Variants in SSBP3 observed in about 807,000 individuals in gnomAD.
SSBP3 encodes single stranded DNA binding protein 3.
Under a neutral mutation model 69.6 loss-of-function variants are expected in SSBP3, and 5 were observed. That is an observed-to-expected ratio of 0.07 (90% CI 0.04 to 0.15). The LOEUF (loss-of-function observed/expected upper bound fraction) is 0.15. SSBP3 is among the 10% of genes least tolerant of loss of function. The pLI, the probability that SSBP3 is intolerant of heterozygous loss-of-function variation, is 1.00. For missense variants in SSBP3, 312 were observed against 534.0 expected, an observed-to-expected ratio of 0.58 and a Z score of 4.10; for synonymous variants, 196 against 193.4, an observed-to-expected ratio of 1.01 and a Z score of -0.11.
At chr1:54,402,029 C>A (rs369621847) in intron 3 of SSBP3, 84 bp from the exon 4 acceptor site, 23 of 1,213,728 alleles carry the variant, frequency 1.9e-5, no homozygotes, top group East Asian at 1.9e-4. Context: ...ATGGCGCTAA[C>A]AGTACTAGGT....
chr1:54,392,670 G>A (rs187106940), intron 4 of SSBP3, among the ~76,000 whole-genome samples: 34 of 152,310 alleles, frequency 2.2e-4, no homozygotes, highest in Non-Finnish European at 4.0e-4. Context: ...TGCCTGGGCA[G>A]GAATCAAATC....
intron 7 of SSBP3, among the ~76,000 whole-genome samples, chr1:54,254,821 CTTTTT>C (rs925861679): frequency 1.1e-4 from 16 of 152,094 alleles, no homozygotes; most frequent in African/African-American, 3.4e-4. Context: ...GTGTGGATTT[CTTTTT>C]TTATCTTTTT....
chr1:54,286,969 C>A (rs1213799740), intron 4 of SSBP3: 1 of 152,246 alleles, frequency 6.6e-6, no homozygotes, highest in African/African-American at 2.4e-5. Context: ...GGCCTCTCAT[C>A]CCACCCTGAG....
intron 5 of SSBP3, among the ~76,000 whole-genome samples, chr1:54,260,648 T>A (rs1314195766): frequency 6.6e-6 from 1 of 152,186 alleles, no homozygotes; most frequent in Non-Finnish European, 1.5e-5. Context: ...GGCACAAGCT[T>A]GCTCTTGGCG....
intron 1 of SSBP3, among the ~76,000 whole-genome samples, chr1:54,412,197 C>T (rs866400803): frequency 6.6e-6 from 1 of 151,928 alleles, no homozygotes; most frequent in Non-Finnish European, 1.5e-5. Flanking sequence ...GGCGTGGTGG[C>T]CTGTGCCTGT....
intron 4 of SSBP3, among the ~76,000 whole-genome samples, chr1:54,294,164 AAAGAAAGAAAG>A (rs1557504872): frequency 0.02 from 1,337 of 67,656 alleles, 70 homozygotes; most frequent in African/African-American, 0.067. Context: ...AAAAAAAAAG[AAAGAAAGAAAG>A]AAAGAAAGAA....
intron 14 of SSBP3, among the ~76,000 whole-genome samples, chr1:54,233,668 T>A (rs1479586497): frequency 9.5e-6 from 1 of 105,164 alleles, no homozygotes; most frequent in Non-Finnish European, 1.9e-5. Flanking sequence ...TACTGGGAAG[T>A]GAGGAGCCCC....
intron 4 of SSBP3, among the ~76,000 whole-genome samples, chr1:54,358,293 T>C (rs1357857312): frequency 1.3e-5 from 2 of 152,184 alleles, no homozygotes; most frequent in Non-Finnish European, 2.9e-5. Context: ...CTACCTTGTG[T>C]GCAACAGACC....
At chr1:54,249,334 A>G (rs1353464989) in intron 9 of SSBP3, among the ~76,000 whole-genome samples, 1 of 152,256 alleles carries the variant, frequency 6.6e-6, no homozygotes, top group Non-Finnish European at 1.5e-5. Context: ...ATTGGTTTTC[A>G]GTCCCTAAAG....
chr1:54,235,838 C>G (rs964370501), intron 14 of SSBP3, among the ~76,000 whole-genome samples: 7 of 152,182 alleles, frequency 4.6e-5, no homozygotes, highest in Non-Finnish European at 1.5e-5. Flanking sequence ...CAGAGGTAAT[C>G]TGAAGTTGCA....
chr1:54,333,558 C>G (rs116190304), intron 4 of SSBP3, among the ~76,000 whole-genome samples: 1 of 151,948 alleles, frequency 6.6e-6, no homozygotes, highest in Non-Finnish European at 1.5e-5. Context: ...ATAGTGAGAC[C>G]CCGTTTCTAC....
chr1:54,354,163 G>T (rs1175206284), intron 4 of SSBP3, among the ~76,000 whole-genome samples: 1 of 152,218 alleles, frequency 6.6e-6, no homozygotes, highest in Non-Finnish European at 1.5e-5. Flanking sequence ...ACCACTGTCT[G>T]CAGACTCTAC....
chr1:54,258,557 G>A lies in SSBP3; in HGVS notation c.367-408C>T, dbSNP rs989454515. Among the ~76,000 whole-genome samples the A allele has an allele frequency of 4.6e-5, 7 of 152,194 alleles. No individual in the cohort carries two copies. The highest frequency in any genetic ancestry group is 1.9e-4 in the East Asian group (1 of 5,188). ...CAAAGCACGTAGGTGCCGCTTGCACGGGAGGTGGGGAAAGATCGGGAAGGG... is the reference window on the plus strand; with the variant it reads ...CAAAGCACGTAGGTGCCGCTTGCACAGGAGGTGGGGAAAGATCGGGAAGGG... On this transcript the variant is annotated intron_variant, in intron 5 of 17. Transcript: ENST00000610401. This position sits in a 1 kb window ranked among gnomAD's most constrained non-coding sequence, Gnocchi z 4.5.
intron 5 of SSBP3, among the ~76,000 whole-genome samples, chr1:54,264,717 C>T (rs1645071068): frequency 6.6e-6 from 1 of 152,218 alleles, no homozygotes; most frequent in African/African-American, 2.4e-5. Flanking sequence ...AAACTGCTGA[C>T]AGCTACCCAG....
intron 9 of SSBP3, among the ~76,000 whole-genome samples, chr1:54,248,051 A>G (rs1644764011): frequency 6.6e-6 from 1 of 152,190 alleles, no homozygotes; most frequent in African/African-American, 2.4e-5. Context: ...GACTCACAAA[A>G]TGCAATGTCA....
chr1:54,310,290 A>G (rs1451064245), intron 4 of SSBP3, among the ~76,000 whole-genome samples: 1 of 152,126 alleles, frequency 6.6e-6, no homozygotes, highest in East Asian at 1.9e-4. Flanking sequence ...CAGGGGCCGC[A>G]GGCTCCGTCA....
At chr1:54,402,295 G>T (rs1649364188) in intron 3 of SSBP3, among the ~76,000 whole-genome samples, 1 of 152,164 alleles carries the variant, frequency 6.6e-6, no homozygotes, top group Admixed American at 6.5e-5. Context: ...ACCTACTCAT[G>T]GATGCCCTAG....
intron 1 of SSBP3, 134 bp from the exon 2 acceptor site, chr1:54,405,064 T>A: frequency 1.3e-6 from 1 of 774,996 alleles, no homozygotes; most frequent in Non-Finnish European, 2.2e-6. Flanking sequence ...GGTAAGCAGC[T>A]AGCTCACCCC....
Position 54,254,913 on chromosome 1 carries a change from G to A in SSBP3, c.507+2214C>T, listed in dbSNP as rs141958453. Among the ~76,000 whole-genome samples the A allele has an allele frequency of 7.0e-3, 1,070 of 152,114 alleles. 11 individuals carry two copies. Among genetic ancestry groups the A allele is most frequent in the African/African-American group, 0.025 (1,027 of 41,480 alleles). On this transcript the variant is annotated intron_variant, in intron 7 of 17. Coordinates refer to ENST00000610401, the Ensembl canonical transcript of SSBP3. ...AATGGCGCAATCTCGGCTCACTGCA[G>A]CCTCCGACTCCTAGGTCCCAGCGAT...
Sources: gnomAD v4.1 joint callset for allele counts (sites outside exome capture counted in the v4.1 genomes callset) on GRCh38, gnomAD v4.1.1 for gene constraint, Gnocchi (gnomAD v3.1) non-coding constraint, MANE v1.5 for transcripts, NCBI Gene and HGNC (gene_info 2026-07-23, HGNC 2026-07-21) for gene names.